CRTC3: variants seen among roughly 807,000 people sequenced by gnomAD.
The protein encoded by CRTC3 is CREB regulated transcription coactivator 3, also known as CREB-regulated transcription coactivator 3.
CRTC3 carries 26 observed loss-of-function variants against 74.5 expected under a neutral mutation model. The ratio of observed to expected loss-of-function variants is 0.35; its 90% CI spans 0.26 to 0.48. The LOEUF (loss-of-function observed/expected upper bound fraction) is 0.48. Among genes scored for constraint, CRTC3 ranks in the 20% least tolerant of loss-of-function variants. The probability of loss-of-function intolerance (pLI) is 0.99; values close to 1 mark genes in which losing one functional copy is unlikely to be tolerated. For missense variants in CRTC3, 760 were observed against 787.3 expected (o/e 0.97, Z 0.41); for synonymous variants, 377 against 325.8 (o/e 1.16, Z -1.69).
chr15:90,531,680 C>A (rs1226332796), intron 1 of CRTC3, among the ~76,000 whole-genome samples: 1 of 152,150 alleles, frequency 6.6e-6, no homozygotes, highest in Non-Finnish European at 1.5e-5. Flanking sequence ...CAGAGATGAA[C>A]TCGATAAGCT....
At chr15:90,548,376 G>A (rs996583828) in intron 2 of CRTC3, among the ~76,000 whole-genome samples, 1 of 152,224 alleles carries the variant, frequency 6.6e-6, no homozygotes, top group Non-Finnish European at 1.5e-5. Flanking sequence ...TACCAAGGCA[G>A]TTTGCAAAGG....
chr15:90,566,600 A>G (rs1967128734), intron 2 of CRTC3, among the ~76,000 whole-genome samples: 1 of 151,802 alleles, frequency 6.6e-6, no homozygotes, highest in African/African-American at 2.4e-5. Context: ...ATAAAAGTAC[A>G]GGATGAAGCA....
Position 90,635,093 on chromosome 15 carries a change from A to G in CRTC3, c.1267-3353A>G, listed in dbSNP as rs926499540. The G allele has an allele frequency of 2.9e-5, 21 of 723,626 alleles. No homozygotes were observed. In the East Asian group the frequency reaches 3.2e-4, roughly 11 times the overall value. 44.8% of individuals were successfully genotyped at this position (723,626 alleles called of 1,614,324 possible). A position where few individuals can be genotyped will look rare whatever the true frequency, so the allele number is the denominator to read the frequency against. On this transcript the variant is annotated intron_variant, in intron 11 of 14. Transcript: ENST00000268184. Reference sequence around the variant, plus strand: ...CTGCCCATTCCACTGAAGTTCTGAAATCTTTCATCATGTAAATAATTTCCA... The same window carrying G: ...CTGCCCATTCCACTGAAGTTCTGAAGTCTTTCATCATGTAAATAATTTCCA...
intron 2 of CRTC3, among the ~76,000 whole-genome samples, chr15:90,560,061 G>A (rs1966978557): frequency 6.6e-6 from 1 of 152,090 alleles, no homozygotes; most frequent in African/African-American, 2.4e-5. Flanking sequence ...AGAGATACAT[G>A]TTGTCTTATA....
At chr15:90,586,818 C>T (rs1240039632) in intron 2 of CRTC3, among the ~76,000 whole-genome samples, 1 of 152,152 alleles carries the variant, frequency 6.6e-6, no homozygotes, top group Non-Finnish European at 1.5e-5. Context: ...TACTTAGCTG[C>T]AGAAGAAAAA....
chr15:90,567,479 C>G (rs34641633), intron 2 of CRTC3, among the ~76,000 whole-genome samples: 103,216 of 151,880 alleles, frequency 0.68, 36,340 homozygotes, highest in Non-Finnish European at 0.77. Context: ...CTGAGGTCAG[C>G]AGTTCAAGAA....
chr15:90,638,323 TGC>T, intron 11 of CRTC3, 121 bp from the exon 12 acceptor site: 1 of 762,804 alleles, frequency 1.3e-6, no homozygotes. Context: ...CTCACAGCAT[TGC>T]ACAGAACACC....
chr15:90,633,037 G>A (rs747221756), intron 11 of CRTC3, among the ~76,000 whole-genome samples: 2 of 152,118 alleles, frequency 1.3e-5, no homozygotes, highest in South Asian at 2.1e-4. Flanking sequence ...ACATATGTGC[G>A]CACATGTGCA....
At chr15:90,561,653 C>T (rs1225944879) in intron 2 of CRTC3, among the ~76,000 whole-genome samples, 1 of 152,208 alleles carries the variant, frequency 6.6e-6, no homozygotes, top group Non-Finnish European at 1.5e-5. Flanking sequence ...TCTCCTTAAT[C>T]CAGCCTCTGA....
intron 2 of CRTC3, among the ~76,000 whole-genome samples, chr15:90,548,125 G>A (rs1198057340): frequency 1.3e-5 from 2 of 151,156 alleles, no homozygotes; most frequent in Non-Finnish European, 3.0e-5. Flanking sequence ...CTGAGCTCAA[G>A]CGATCCACCC....
chr15:90,532,266 T>G (rs1167043336), intron 1 of CRTC3, among the ~76,000 whole-genome samples: 1 of 152,194 alleles, frequency 6.6e-6, no homozygotes, highest in Non-Finnish European at 1.5e-5. Context: ...TTAAAAATCT[T>G]AAGGGTTATT....
intron 11 of CRTC3, among the ~76,000 whole-genome samples, chr15:90,637,226 A>G (rs1450089410): frequency 6.6e-6 from 1 of 152,220 alleles, no homozygotes; most frequent in Non-Finnish European, 1.5e-5. Context: ...ATGCAGCCAT[A>G]AAAAATGATG....
At chr15:90,633,074 A>G (rs117328778) in intron 11 of CRTC3, among the ~76,000 whole-genome samples, 2,104 of 152,136 alleles carry the variant, frequency 0.014, 16 homozygotes, top group Non-Finnish European at 0.021. Context: ...CACCCTCCTC[A>G]TTTATTATAA....
In CRTC3 at chr15:90,640,207, A is replaced by ATGAT. The variant is rs544658226; in HGVS notation, c.1549-889_1549-886dup. Reference sequence around the variant, plus strand: ...GTGGGAATCACCGTCTCCCTGAAAAATGATAGACACTTCTTTTGAGACTTT... The same window carrying ATGAT: ...GTGGGAATCACCGTCTCCCTGAAAAATGATTGATAGACACTTCTTTTGAGACTTT... On this transcript the variant is annotated intron_variant, in intron 13 of 14. Coordinates refer to ENST00000268184, the MANE Select transcript of CRTC3 (RefSeq NM_022769.5). 2.6e-3 allele frequency among the ~76,000 whole-genome samples: 391 copies of ATGAT among 152,334 alleles called. 1 individual carries two copies. The highest frequency in any genetic ancestry group is 8.9e-3 in the African/African-American group (369 of 41,574).
intron 2 of CRTC3, among the ~76,000 whole-genome samples, chr15:90,583,841 CTCTTT>C (rs778110741): frequency 2.3e-4 from 35 of 149,256 alleles, no homozygotes; most frequent in Non-Finnish European, 4.1e-4. Context: ...CTTGAAGTTT[CTCTTT>C]TCTTTTTTTT....
chr15:90,562,750 A>T (rs1000740970), intron 2 of CRTC3, among the ~76,000 whole-genome samples: 1 of 152,024 alleles, frequency 6.6e-6, no homozygotes, highest in African/African-American at 2.4e-5. Flanking sequence ...TGAGAGTCTC[A>T]CCCTGGAACT....
At chr15:90,564,904 A>ACCTTCCTTCCTTCCTT (rs71154112) in intron 2 of CRTC3, among the ~76,000 whole-genome samples, 79 of 146,480 alleles carry the variant, frequency 5.4e-4, no homozygotes, top group Middle Eastern at 3.4e-3. Flanking sequence ...AATTTAACCA[A>ACCTTCCTTCCTTCCTT]CCTTCCTTCC....
At position 90,540,101 on chromosome 15, in the gene CRTC3, T is replaced by C; in HGVS notation, c.195T>C (p.Asn65=). ...LTQYHGGSLP[N]VSQLRSSASE... ...AGTACCATGGAGGATCCTTACCAAA[T>C]GTGAGCCAGCTGCGGAGCAGTGCGT... The change falls in exon 2 of 15, where the codon AAT becomes AAC. Residue 65 remains asparagine, a synonymous_variant. Transcript: ENST00000268184. 1 of 1,613,450 alleles carries C rather than the reference T, an allele frequency of 6.2e-7. No homozygotes were observed. The highest frequency in any genetic ancestry group is 2.2e-5 in the East Asian group (1 of 44,862).
intron 3 of CRTC3, chr15:90,598,621 T>C: frequency 3.0e-6 from 2 of 675,568 alleles, no homozygotes; most frequent in Non-Finnish European, 5.4e-6. Context: ...TGAGATGGAC[T>C]ATAAGAAGAG....
Sources: allele counts gnomAD v4.1 joint callset (sites outside exome capture counted in the v4.1 genomes callset), GRCh38; gene constraint gnomAD v4.1.1; transcripts MANE v1.5; gene names NCBI Gene and HGNC (gene_info 2026-07-23, HGNC 2026-07-21).